Variants in SHPRH observed in about 807,000 individuals in gnomAD.
The protein encoded by SHPRH is SNF2 histone linker PHD RING helicase.
SHPRH carries 106 observed loss-of-function variants against 202.5 expected under a neutral mutation model. That is an observed-to-expected ratio of 0.52 (90% CI 0.45 to 0.62). The LOEUF (loss-of-function observed/expected upper bound fraction) is 0.62. Ranked by LOEUF, SHPRH falls within the 20% of genes least tolerant of loss-of-function variation. SHPRH has a pLI of 0.00. For missense variants in SHPRH, 1,710 were observed against 2,020.0 expected (o/e 0.85, Z 2.94); for synonymous variants, 729 against 686.0 (o/e 1.06, Z -0.98).
At chr6:145,943,879 CTTCATATAA>C (rs1787076497) in intron 8 of SHPRH, 77 bp from the exon 9 acceptor site, 2 of 1,310,434 alleles carry the variant, frequency 1.5e-6, no homozygotes, top group Non-Finnish European at 2.1e-6. Context: ...TATGTAAGTA[CTTCATATAA>C]TTATGTAGCA....
At chr6:145,882,785 G>C (rs898458676), downstream of SHPRH, among the ~76,000 whole-genome samples, 1 of 152,166 alleles carries the variant, frequency 6.6e-6, no homozygotes, top group African/African-American at 2.4e-5. Flanking sequence ...TAATTAAATA[G>C]TCTTGGCAGA....
At chr6:145,926,342 A>T (rs769300013) in intron 15 of SHPRH, 46 bp from the exon 16 acceptor site, 1 of 1,504,392 alleles carries the variant, frequency 6.6e-7, no homozygotes, top group Non-Finnish European at 9.2e-7. Flanking sequence ...AATGCAGAAG[A>T]CTCTGAAGAG....
At chr6:145,887,963 T>C in intron 29 of SHPRH, 57 bp downstream of exon 29, 13 of 1,332,784 alleles carry the variant, frequency 9.8e-6, no homozygotes, top group Non-Finnish European at 1.3e-5. Context: ...GTTCTAAAGA[T>C]ACAAACTTTT....
chr6:145,951,599 T>C (rs1562369446), intron 3 of SHPRH, among the ~76,000 whole-genome samples: 1 of 152,114 alleles, frequency 6.6e-6, no homozygotes, highest in African/African-American at 2.4e-5. Flanking sequence ...CTTAAATTCA[T>C]TCCTTCTAAT....
chr6:145,953,976 G>A (rs1045959249), intron 2 of SHPRH, among the ~76,000 whole-genome samples: 1 of 151,232 alleles, frequency 6.6e-6, no homozygotes, highest in Non-Finnish European at 1.5e-5. Context: ...AAAATGTTAA[G>A]TATGTGACAA....
chr6:145,955,329 G>A lies in SHPRH; in HGVS notation c.-7C>T. 6.3e-7 allele frequency: 1 copy of A among 1,587,996 alleles called. No individual in the cohort carries two copies. The highest frequency in any genetic ancestry group is 1.7e-5 in the Admixed American group (1 of 59,136). ...GTTTCCGTCGGCTGCTCATTTTCAA[G>A]TTTTCTTGGCTGGTAACTGTGAACT... is the stretch of plus-strand genomic sequence containing the variant. On this transcript the variant is annotated 5_prime_UTR_variant, in exon 2 of 30. Transcript: ENST00000275233.
chr6:145,872,244 C>G (rs1244509931), intron 2 of SHPRH, among the ~76,000 whole-genome samples: 1 of 152,114 alleles, frequency 6.6e-6, no homozygotes, highest in Non-Finnish European at 1.5e-5. Flanking sequence ...GAACTATTAA[C>G]AGAGTAAACA....
chr6:145,890,683 TGACTTAATG>T (rs1168589903), intron 28 of SHPRH, among the ~76,000 whole-genome samples: 1 of 152,158 alleles, frequency 6.6e-6, no homozygotes, highest in East Asian at 1.9e-4. Context: ...TTCAGTCTCG[TGACTTAATG>T]GACTTGTACA....
chr6:145,961,584 T>C (rs1789096317), intron 1 of SHPRH, among the ~76,000 whole-genome samples: 1 of 152,244 alleles, frequency 6.6e-6, no homozygotes, highest in South Asian at 2.1e-4. Context: ...ATTTATTCTG[T>C]TCTCTGGTAA....
At chr6:145,946,139 G>T in intron 7 of SHPRH, 94 bp downstream of exon 7, 1 of 867,832 alleles carries the variant, frequency 1.2e-6, no homozygotes, top group Non-Finnish European at 1.7e-6. Context: ...AAAAACAATT[G>T]TTTATAACAA....
intron 8 of SHPRH, among the ~76,000 whole-genome samples, chr6:145,944,991 T>C (rs1787211777): frequency 6.6e-6 from 1 of 152,084 alleles, no homozygotes; most frequent in Admixed American, 6.6e-5. Context: ...GCACAGGAGT[T>C]CAAGGCTGCA....
chr6:145,945,627 C>CA lies in SHPRH; in HGVS notation c.1331dup (p.Met445AspfsTer22). On this transcript the variant is annotated frameshift_variant, in exon 8 of 30. Coordinates refer to ENST00000275233, the MANE Select transcript of SHPRH (RefSeq NM_001042683.3). LOFTEE classifies it high-confidence loss of function. ...TTTCTTTCACAGCTGTCAGTATCAT[C>CA]ACACGTGTAGCTAAATGTAAAAGGA... is the stretch of plus-strand genomic sequence containing the variant. 6.2e-7 allele frequency: 1 copy of CA among 1,608,742 alleles called. No individual in the cohort carries two copies. Among genetic ancestry groups the CA allele is most frequent in the Non-Finnish European group, 8.5e-7 (1 of 1,178,188 alleles).
chr6:145,871,365 T>TA (rs796113683), intron 2 of SHPRH: 2 of 152,054 alleles, frequency 1.3e-5, no homozygotes, highest in East Asian at 1.9e-4. Context: ...AGTCTCAGGA[T>TA]AAAAAATCAA....
At chr6:145,909,644 T>C (rs1049208157) in intron 25 of SHPRH, 1 of 152,146 alleles carries the variant, frequency 6.6e-6, no homozygotes, top group Non-Finnish European at 1.5e-5. Context: ...AAGGAATTAA[T>C]AAAGAATACT....
chr6:145,942,843 G>A (rs1582786807), intron 9 of SHPRH, among the ~76,000 whole-genome samples: 1 of 152,124 alleles, frequency 6.6e-6, no homozygotes, highest in Non-Finnish European at 1.5e-5. Flanking sequence ...ATTTCTCTCT[G>A]AAGACTATAA....
Position 145,954,733 on chromosome 6 carries a change from C to G in SHPRH, c.590G>C (p.Arg197Thr), listed in dbSNP as rs1788325889. The change falls in exon 2 of 30, where the codon AGA (arginine) becomes ACA (threonine). Residue 197 changes from arginine (R) to threonine (T), a missense_variant. Physicochemically the swap from Arg to Thr is moderately conservative, Grantham distance 71 (BLOSUM62 -1). Around this residue, in one of 8 missense-constraint regions of SHPRH, gnomAD observed 459 missense variants for 426.5 expected, o/e 1.08. Coordinates refer to ENST00000275233, the MANE Select transcript of SHPRH (RefSeq NM_001042683.3). ...EDLGWLQKKR[R>T]IKLYQKPEGN... ...TTCTGGTTTCTGATAGAGTTTTATTCTTCTCTTCTTTTGTAGCCACCCCAA... is the reference window on the plus strand; with the variant it reads ...TTCTGGTTTCTGATAGAGTTTTATTGTTCTCTTCTTTTGTAGCCACCCCAA... 8 of 1,603,144 alleles carry G rather than the reference C, an allele frequency of 5.0e-6. No individual in the cohort carries two copies. Among genetic ancestry groups the G allele is most frequent in the African/African-American group, 1.4e-5 (1 of 73,940 alleles).
At chr6:145,867,599 A>AATATATATATATATAT (rs374395571) in intron 2 of SHPRH, among the ~76,000 whole-genome samples, 42 of 21,576 alleles carry the variant, frequency 1.9e-3, no homozygotes, top group South Asian at 5.2e-3. Flanking sequence ...TTCAAAAAAG[A>AATATATATATATATAT]ATATATATAT....
intron 29 of SHPRH, among the ~76,000 whole-genome samples, chr6:145,887,699 T>C (rs1363141723): frequency 6.6e-6 from 1 of 152,132 alleles, no homozygotes. Context: ...CATGCCTGGC[T>C]AATTTTTGTG....
intron 7 of SHPRH, 78 bp from the exon 8 acceptor site, chr6:145,945,715 G>A: frequency 2.9e-6 from 4 of 1,395,916 alleles, no homozygotes; most frequent in Non-Finnish European, 3.8e-6. Context: ...ATCTTAATCT[G>A]CATGAGGACT....
Sources: allele counts gnomAD v4.1 joint callset (sites outside exome capture counted in the v4.1 genomes callset), GRCh38; gene constraint gnomAD v4.1.1; regional missense constraint gnomAD v4.1.1; transcripts MANE v1.5; gene names NCBI Gene and HGNC (gene_info 2026-07-23, HGNC 2026-07-21).